ZNRF3: variants seen among roughly 807,000 people sequenced by gnomAD.
ZNRF3 encodes the protein E3 ubiquitin-protein ligase ZNRF3.
In ZNRF3, 23 loss-of-function variants were observed where a neutral mutation model predicts 72.5. The observed-to-expected ratio is 0.32, with a 90% CI of 0.23 to 0.45. The LOEUF (loss-of-function observed/expected upper bound fraction) is 0.45, where lower values mean the gene tolerates loss of function less well. Among genes scored for constraint, ZNRF3 ranks in the 20% least tolerant of loss-of-function variants. The pLI, the probability that ZNRF3 is intolerant of heterozygous loss-of-function variation, is 1.00. For synonymous variants in ZNRF3, 610 were observed against 545.3 expected, an observed-to-expected ratio of 1.12 and a Z score of -1.65; for missense variants, 1,169 against 1,272.1, an observed-to-expected ratio of 0.92 and a Z score of 1.23.
At chr22:28,949,242 T>C (rs2035110184) in intron 1 of ZNRF3, among the ~76,000 whole-genome samples, 1 of 151,922 alleles carries the variant, frequency 6.6e-6, no homozygotes, top group South Asian at 2.1e-4. Context: ...CTTCCCAAAG[T>C]GCTGGGATTA....
In ZNRF3 at chr22:29,050,347, G is replaced by A. The variant is rs758511391; in HGVS notation, c.2166G>A (p.Gly722=). Residue 722 remains glycine (G), a synonymous_variant, in exon 8 of 9, where the codon GGG becomes GGA. Coordinates refer to ENST00000544604, the MANE Select transcript of ZNRF3 (RefSeq NM_001206998.2). The part of the protein sequence containing the change: ...CCCEPQPSPA[G]PSAGAAGSST... ...GCGAGCCCCAGCCCTCCCCAGCCGG[G>A]CCTAGCGCCGGAGCAGCTGGCAGCA... 3.1e-6 allele frequency: 5 copies of A among 1,602,490 alleles called. No individual in the cohort carries two copies. The highest frequency in any genetic ancestry group is 4.2e-6 in the Non-Finnish European group (5 of 1,176,472).
intron 2 of ZNRF3, among the ~76,000 whole-genome samples, chr22:29,019,269 C>T (rs537603943): frequency 6.6e-6 from 1 of 152,192 alleles, no homozygotes; most frequent in South Asian, 2.1e-4. Context: ...AGCTCAATTT[C>T]TTGATGGGAG....
intron 1 of ZNRF3, among the ~76,000 whole-genome samples, chr22:28,916,317 C>T (rs528025930): frequency 6.6e-6 from 1 of 152,204 alleles, no homozygotes; most frequent in South Asian, 2.1e-4. Context: ...GACTCAGCCT[C>T]CCAAAGTGCT....
chr22:28,918,395 C>T (rs1431504567), intron 1 of ZNRF3, among the ~76,000 whole-genome samples: 1 of 152,178 alleles, frequency 6.6e-6, no homozygotes, highest in East Asian at 1.9e-4. Flanking sequence ...CTGAGCCCCA[C>T]AGCCTTCCTC....
At chr22:28,990,740 A>C (rs1301952260) in intron 2 of ZNRF3, among the ~76,000 whole-genome samples, 1 of 152,094 alleles carries the variant, frequency 6.6e-6, no homozygotes, top group Non-Finnish European at 1.5e-5. Flanking sequence ...AAAGCAAAGG[A>C]GTCTATGTTT....
In ZNRF3 at chr22:28,967,864, T is replaced by G. The variant is rs536828166; in HGVS notation, c.301-19212T>G. Reference sequence around the variant, plus strand: ...CGCTTGAGCCCAGGGGGGTTGAGGCTACAGTGAGCTGAGGTCGCACCACTA... The same window carrying G: ...CGCTTGAGCCCAGGGGGGTTGAGGCGACAGTGAGCTGAGGTCGCACCACTA... On this transcript the variant is annotated intron_variant, in intron 1 of 8. Coordinates refer to ENST00000544604, the MANE Select transcript of ZNRF3 (RefSeq NM_001206998.2). 8.2e-4 allele frequency among the ~76,000 whole-genome samples: 120 copies of G among 146,190 alleles called. 2 individuals carry two copies. The South Asian group carries it at 0.022, about 27-fold the overall frequency.
chr22:28,996,902 G>A (rs774861707), intron 2 of ZNRF3, among the ~76,000 whole-genome samples: 10 of 152,210 alleles, frequency 6.6e-5, no homozygotes, highest in Non-Finnish European at 1.3e-4. Context: ...TATAAGCCAT[G>A]TAGATATTGT....
In ZNRF3 at chr22:29,043,380, G is replaced by A. The variant is rs1233673058; in HGVS notation, c.583G>A (p.Val195Ile). 3 of 1,613,852 alleles carry A rather than the reference G, an allele frequency of 1.9e-6. No homozygotes were observed. Among genetic ancestry groups the A allele is most frequent in the African/African-American group, 1.3e-5 (1 of 74,884 alleles). Reference sequence around the variant, plus strand: ...AGATGCCATTAAGCTGATGAACATCGTCAACAAGCAGAAAGTGGCTCGAGC... The same window carrying A: ...AGATGCCATTAAGCTGATGAACATCATCAACAAGCAGAAAGTGGCTCGAGC... ...GADAIKLMNIVNKQKVARARI... is the reference protein window; with the variant it reads ...GADAIKLMNIINKQKVARARI... The change falls in exon 4 of 9, where the codon GTC becomes ATC. Residue 195 changes from valine to isoleucine, a missense_variant. Transcript: ENST00000544604.
intron 1 of ZNRF3, among the ~76,000 whole-genome samples, chr22:28,893,146 G>A (rs995817006): frequency 1.3e-5 from 2 of 152,038 alleles, no homozygotes; most frequent in African/African-American, 4.8e-5. Flanking sequence ...CAGCCTGAGC[G>A]ACTGAGCGAG....
Position 29,050,595 on chromosome 22 carries a change from G to T in ZNRF3, c.2414G>T (p.Ser805Ile). The T allele has an allele frequency of 6.2e-7, 1 of 1,608,980 alleles. No individual in the cohort carries two copies. The highest frequency in any genetic ancestry group is 1.7e-4 in the Middle Eastern group (1 of 5,988). ...TGCTACACTGAGGACTACTCGGTGA[G>T]TGTGCAGTACACGCTCACCGAGGAA... ...SGCYTEDYSV[S>I]VQYTLTEEPP... Residue 805 changes from serine to isoleucine, a missense_variant, in exon 8 of 9, where the codon AGT (serine) becomes ATT (isoleucine). By Grantham distance (142) the Ser-to-Ile change is moderately radical. Coordinates refer to ENST00000544604, the MANE Select transcript of ZNRF3 (RefSeq NM_001206998.2).
intron 1 of ZNRF3, among the ~76,000 whole-genome samples, chr22:28,950,904 A>G (rs985848837): frequency 6.6e-6 from 1 of 152,196 alleles, no homozygotes; most frequent in Non-Finnish European, 1.5e-5. Context: ...ATATCTTGCC[A>G]AACTCTGAGA....
At chr22:29,051,686 C>T (rs2037209734) in intron 8 of ZNRF3, among the ~76,000 whole-genome samples, 1 of 151,050 alleles carries the variant, frequency 6.6e-6, no homozygotes, top group African/African-American at 2.4e-5. Context: ...GCGTGTGAAT[C>T]ACTTGAGTTC....
intron 2 of ZNRF3, among the ~76,000 whole-genome samples, chr22:28,998,294 G>A (rs931482917): frequency 7.3e-5 from 11 of 150,070 alleles, no homozygotes; most frequent in Admixed American, 4.7e-4. Flanking sequence ...GCGAGACTCC[G>A]TCAAAAAAAA....
chr22:28,965,696 C>G (rs962657153), intron 1 of ZNRF3, among the ~76,000 whole-genome samples: 6 of 152,180 alleles, frequency 3.9e-5, no homozygotes, highest in African/African-American at 1.4e-4. Flanking sequence ...AGAGAAGACT[C>G]TGAAAGTGAT....
intron 1 of ZNRF3, chr22:28,917,397 G>C: frequency 1.0e-6 from 1 of 985,458 alleles, no homozygotes; most frequent in Non-Finnish European, 1.2e-6. Flanking sequence ...GTGCACAGAA[G>C]TTTGCTGCAT....
At chr22:29,005,475 G>A (rs2036224827) in intron 2 of ZNRF3, among the ~76,000 whole-genome samples, 2 of 152,178 alleles carry the variant, frequency 1.3e-5, no homozygotes, top group South Asian at 2.1e-4. Context: ...GCCCCTTGTA[G>A]GAAAAGAGAT....
At chr22:28,983,758 A>G (rs2035807039) in intron 1 of ZNRF3, among the ~76,000 whole-genome samples, 1 of 152,204 alleles carries the variant, frequency 6.6e-6, no homozygotes, top group African/African-American at 2.4e-5. Context: ...GTCCCATGAA[A>G]TAGTGTGATC....
chr22:29,031,685 TC>T, intron 2 of ZNRF3: 1 of 956,978 alleles, frequency 1.0e-6, no homozygotes, highest in Non-Finnish European at 1.2e-6. Context: ...ATAACAGGAC[TC>T]AAAGAGCCTG....
intron 1 of ZNRF3, among the ~76,000 whole-genome samples, chr22:28,977,337 C>T (rs1324324324): frequency 6.6e-6 from 1 of 152,118 alleles, no homozygotes; most frequent in Non-Finnish European, 1.5e-5. Flanking sequence ...AATAATTATT[C>T]AGGTTCTGTT....
Sources: gnomAD v4.1 joint callset for allele counts (sites outside exome capture counted in the v4.1 genomes callset) on GRCh38, gnomAD v4.1.1 for gene constraint, MANE v1.5 for transcripts, NCBI Gene and HGNC (gene_info 2026-07-23, HGNC 2026-07-21) for gene names.